The following ITPK1 variants were observed in gnomAD, a reference collection of about 807,000 sequenced individuals.
ITPK1 encodes the protein inositol 1,3,4-trisphosphate 5/6-kinase.
Under a neutral mutation model 45.3 loss-of-function variants are expected in ITPK1, and 21 were observed. That is an observed-to-expected ratio of 0.46 (90% confidence interval 0.33 to 0.67). The LOEUF (loss-of-function observed/expected upper bound fraction) is 0.67, where lower values mean the gene tolerates loss of function less well. ITPK1 is among the 30% of genes least tolerant of loss of function. The pLI, the probability that ITPK1 is intolerant of heterozygous loss-of-function variation, is 0.02. For missense variants in ITPK1, 474 were observed against 573.5 expected, an observed-to-expected ratio of 0.83 and a Z score of 1.77; for synonymous variants, 258 against 253.6, an observed-to-expected ratio of 1.02 and a Z score of -0.16.
intron 3 of ITPK1, among the ~76,000 whole-genome samples, chr14:93,050,005 C>T (rs1024520023): frequency 6.6e-6 from 1 of 152,126 alleles, no homozygotes; most frequent in Admixed American, 6.5e-5. Context: ...GGGGTGGGCG[C>T]CGACAATCCC....
chr14:93,087,987 C>G (rs968238194), intron 2 of ITPK1, among the ~76,000 whole-genome samples: 2 of 152,212 alleles, frequency 1.3e-5, no homozygotes, highest in African/African-American at 2.4e-5. Flanking sequence ...AACCGGGGAG[C>G]TGGGTGATAA....
At chr14:93,086,160 C>T (rs990790874) in intron 2 of ITPK1, among the ~76,000 whole-genome samples, 8 of 152,198 alleles carry the variant, frequency 5.3e-5, no homozygotes, top group African/African-American at 1.9e-4. Context: ...CCCTTGGACT[C>T]ACTGGGGGAG....
chr14:92,943,260 G>A (rs1236755180), intron 10 of ITPK1, among the ~76,000 whole-genome samples: 3 of 152,226 alleles, frequency 2.0e-5, no homozygotes, highest in Non-Finnish European at 2.9e-5. Flanking sequence ...CGTCCATGGC[G>A]TTCACAGCAC....
At chr14:93,091,317 C>A (rs551696092) in intron 2 of ITPK1, among the ~76,000 whole-genome samples, 1 of 152,198 alleles carries the variant, frequency 6.6e-6, no homozygotes, top group African/African-American at 2.4e-5. Flanking sequence ...AAGCCAACAA[C>A]GGCGCCAGGG....
intron 10 of ITPK1, among the ~76,000 whole-genome samples, chr14:92,945,233 G>A (rs1022356134): frequency 6.6e-6 from 1 of 152,260 alleles, no homozygotes; most frequent in Admixed American, 6.5e-5. Context: ...AACACCAGCT[G>A]AATGACAGGA....
At chr14:92,991,373 G>A (rs1049780139) in intron 5 of ITPK1, among the ~76,000 whole-genome samples, 10 of 151,406 alleles carry the variant, frequency 6.6e-5, no homozygotes, top group African/African-American at 2.4e-4. Context: ...CAGGCTCGGC[G>A]TGCACGATAA....
chr14:93,001,015 C>T (rs1887321404), intron 4 of ITPK1, among the ~76,000 whole-genome samples: 1 of 146,344 alleles, frequency 6.8e-6, no homozygotes, highest in Non-Finnish European at 1.5e-5. Context: ...CACGGTGGCT[C>T]ACGCCTGTAA....
chr14:92,945,928 G>T (rs556419267), intron 10 of ITPK1, among the ~76,000 whole-genome samples: 8 of 152,320 alleles, frequency 5.3e-5, no homozygotes, highest in Non-Finnish European at 1.0e-4. Context: ...GTGCTGTGGG[G>T]CCTGAACAGC....
Position 92,946,311 on chromosome 14 carries a change from G to A in ITPK1, c.901+20C>T, listed in dbSNP as rs1284133692. On this transcript the variant is annotated intron_variant, in intron 10 of 10. Transcript: ENST00000267615. ...AGTCTCTGGAGGCCGGTCAGTGGAG[G>A]TGGCCTGGCCGCCACTCACCTGGGA... is the stretch of plus-strand genomic sequence containing the variant. 3 of 1,612,044 alleles carry A rather than the reference G, an allele frequency of 1.9e-6. No individual in the cohort carries two copies. Among genetic ancestry groups the A allele is most frequent in the Non-Finnish European group, 2.5e-6 (3 of 1,179,812 alleles).
intron 10 of ITPK1, among the ~76,000 whole-genome samples, chr14:92,943,403 C>T (rs1172302085): frequency 6.6e-6 from 1 of 152,208 alleles, no homozygotes; most frequent in African/African-American, 2.4e-5. Flanking sequence ...TGAAGGACGC[C>T]CTTGGTCTTG....
intron 5 of ITPK1, among the ~76,000 whole-genome samples, chr14:92,984,275 G>A (rs998365631): frequency 2.0e-5 from 3 of 152,176 alleles, no homozygotes; most frequent in Admixed American, 1.3e-4. Context: ...AAGTGAGGGC[G>A]GCCAGAAGGC....
chr14:92,988,695 G>C (rs1378622483), intron 5 of ITPK1, among the ~76,000 whole-genome samples: 1 of 152,192 alleles, frequency 6.6e-6, no homozygotes, highest in South Asian at 2.1e-4. Context: ...CACTGGCTAA[G>C]AGCAGACCCA....
At chr14:92,946,196 G>A (rs1238706984) in intron 10 of ITPK1, 135 bp downstream of exon 10, 7 of 1,011,632 alleles carry the variant, frequency 6.9e-6, no homozygotes, top group Admixed American at 1.9e-5. Flanking sequence ...AGGCTTCTCG[G>A]GGCTGCACCT....
At chr14:93,112,816 C>T (rs1162529887) in intron 2 of ITPK1, among the ~76,000 whole-genome samples, 1 of 152,194 alleles carries the variant, frequency 6.6e-6, no homozygotes, top group Non-Finnish European at 1.5e-5. Context: ...GTCGTCAGTA[C>T]AGAAGCCCTG....
chr14:93,045,426 T>C (rs367994955), intron 3 of ITPK1, among the ~76,000 whole-genome samples: 8 of 152,198 alleles, frequency 5.3e-5, no homozygotes, highest in Non-Finnish European at 1.0e-4. Flanking sequence ...ACAAAGACTC[T>C]ACAGCAAATC....
intron 4 of ITPK1, among the ~76,000 whole-genome samples, chr14:93,009,525 G>A (rs1595133564): frequency 6.6e-6 from 1 of 152,196 alleles, no homozygotes; most frequent in African/African-American, 2.4e-5. Flanking sequence ...ACGGGCTAAC[G>A]GCACAGAATG....
At chr14:93,091,628 C>T (rs747317824) in intron 2 of ITPK1, among the ~76,000 whole-genome samples, 1 of 152,178 alleles carries the variant, frequency 6.6e-6, no homozygotes, top group African/African-American at 2.4e-5. Context: ...GGTGGCTGGG[C>T]ATGTAACTCA....
Position 93,080,551 on chromosome 14 carries a change from C to T in ITPK1, c.96-3932G>A, listed in dbSNP as rs368884421. 5.7e-4 allele frequency among the ~76,000 whole-genome samples: 87 copies of T among 152,286 alleles called. 1 individual carries two copies. Among genetic ancestry groups the T allele is most frequent in the African/African-American group, 2.1e-3 (86 of 41,544 alleles). On this transcript the variant is annotated intron_variant, in intron 2 of 10. Transcript: ENST00000267615. ...CAGTGGGGACCACCAGGCTGCAGCA[C>T]TCGCTATGGGTTCTAAGCCCGTGGA...
chr14:93,007,274 T>G (rs12100557), intron 4 of ITPK1, among the ~76,000 whole-genome samples: 2 of 152,138 alleles, frequency 1.3e-5, no homozygotes, highest in African/African-American at 4.8e-5. Context: ...GCCCCTCCCC[T>G]GTATACAATA....
Sources: gnomAD v4.1 joint callset for allele counts (sites outside exome capture counted in the v4.1 genomes callset) on GRCh38, gnomAD v4.1.1 for gene constraint, MANE v1.5 for transcripts, NCBI Gene and HGNC (gene_info 2026-07-23, HGNC 2026-07-21) for gene names.